The following SPACA6 variants were observed in gnomAD, a reference collection of about 807,000 sequenced individuals.
The protein encoded by SPACA6 is sperm acrosome associated 6.
For missense variants in SPACA6, 8 were observed against 2.8 expected (o/e 2.88, Z -1.34); for synonymous variants, 6 against 1.5 (o/e 4.05, Z -2.21).
the SPACA6 span, among the ~76,000 whole-genome samples, chr19:51,683,952 A>G: frequency 6.6e-6 from 1 of 152,212 alleles, no homozygotes; most frequent in African/African-American, 2.4e-5. Flanking sequence ...AAAACAATAT[A>G]TATGTGTACA....
chr19:51,693,010 T>C (rs1267851332), upstream of SPACA6: 2 of 373,364 alleles, frequency 5.4e-6, no homozygotes, highest in Non-Finnish European at 1.1e-5. Flanking sequence ...TCCCCTGAAA[T>C]CTGTTTTCCT....
At chr19:51,702,842 ACCAATAGGAAT>A (rs1158474688) in intron 4 of SPACA6, 168 bp from the exon 5 acceptor site, 1 of 398,414 alleles carries the variant, frequency 2.5e-6, no homozygotes, top group Non-Finnish European at 4.4e-6. Context: ...GCCGAAGCAA[ACCAATAGGAAT>A]CCTAGAGGGC....
chr19:51,704,854 TC>T, intron 8 of SPACA6: 1 of 132,096 alleles, frequency 7.6e-6, no homozygotes. Context: ...CCGGACCCCC[TC>T]CTCCCTCAGA....
upstream of SPACA6, chr19:51,693,100 T>G (rs1384886658): frequency 5.4e-6 from 2 of 371,674 alleles, no homozygotes; most frequent in Non-Finnish European, 1.1e-5. Flanking sequence ...TCCCTCTTAT[T>G]CTGGCTTTCT....
In SPACA6 at chr19:51,695,026, ACACACACACTCG is replaced by A. The variant is rs143838844; in HGVS notation, c.292+478_292+489del. Among the ~76,000 whole-genome samples the A allele has an allele frequency of 8.9e-3, 1,353 of 152,204 alleles. 15 individuals carry two copies. The highest frequency in any genetic ancestry group is 0.031 in the African/African-American group (1,266 of 41,492). On this transcript the variant is annotated intron_variant, in intron 2 of 8. Coordinates refer to ENST00000637797, the MANE Select transcript of SPACA6 (RefSeq NM_001316972.2). ...AAGGCATCTTCCTCTAGGATAGAAC[ACACACACACTCG>A]CACACAGACACGCTCAGAGACATAC...
At chr19:51,702,859 A>T (rs2083480271) in intron 4 of SPACA6, 162 bp from the exon 5 acceptor site, 2 of 398,464 alleles carry the variant, frequency 5.0e-6, no homozygotes, top group South Asian at 2.7e-4. Context: ...GGAATCCTAG[A>T]GGGCGGAGAG....
At chr19:51,695,322 C>T (rs1315551751) in intron 2 of SPACA6, among the ~76,000 whole-genome samples, 1 of 152,192 alleles carries the variant, frequency 6.6e-6, no homozygotes, top group Non-Finnish European at 1.5e-5. Context: ...GCCTGATCAC[C>T]ATGGCCATGA....
chr19:51,692,630 C>G (rs771967356), upstream of SPACA6: 1 of 530,890 alleles, frequency 1.9e-6, no homozygotes, highest in African/African-American at 1.9e-5. This position sits in a 1 kb window ranked among gnomAD's most constrained non-coding sequence, Gnocchi z 5.6. Flanking sequence ...CCCGTAGAAC[C>G]GACCTTGCGG....
At chr19:51,689,255 A>G (rs2083348633), upstream of SPACA6, 1 of 147,528 alleles carries the variant, frequency 6.8e-6, no homozygotes, top group Non-Finnish European at 1.5e-5. Context: ...GCTCCGGGGC[A>G]GGGGGGAAGC....
chr19:51,693,821 A>T, intron 1 of SPACA6, 81 bp downstream of exon 1: 1 of 402,134 alleles, frequency 2.5e-6, no homozygotes, highest in Admixed American at 4.3e-5. Context: ...GGTCAGGCTG[A>T]GGGACAGACA....
chr19:51,706,376 G>A (rs979666687), downstream of SPACA6, among the ~76,000 whole-genome samples: 3 of 151,994 alleles, frequency 2.0e-5, no homozygotes, highest in African/African-American at 4.8e-5. Context: ...ACAAGTCTGC[G>A]CGGCTGGCAC....
upstream of SPACA6, chr19:51,686,698 T>A (rs961071861): frequency 2.0e-5 from 3 of 152,226 alleles, no homozygotes; most frequent in Non-Finnish European, 2.9e-5. Context: ...TCACATACTT[T>A]GTGAGCTTGG....
In SPACA6 at chr19:51,693,469, G is replaced by A. The variant is rs78758318; in HGVS notation, c.-58G>A. On this transcript the variant is annotated 5_prime_UTR_variant, in exon 1 of 9. Coordinates refer to ENST00000637797, the MANE Select transcript of SPACA6 (RefSeq NM_001316972.2). Reference sequence around the variant, plus strand: ...ACCCCAGACCACTGGCCCTTCCCCCGCCCTGTGGTGACTTCATAAAGGTTA... The same window carrying A: ...ACCCCAGACCACTGGCCCTTCCCCCACCCTGTGGTGACTTCATAAAGGTTA... The A allele has an allele frequency of 4.0e-3, 2,165 of 539,442 alleles. 9 individuals carry two copies. Among genetic ancestry groups the A allele is most frequent in the Non-Finnish European group, 6.0e-3 (1,703 of 285,488 alleles). The allele number at this position is 539,442 out of a possible 1,614,324, so 33.4% of individuals were successfully genotyped here. A position where few individuals can be genotyped will look rare whatever the true frequency, so the allele number is the denominator to read the frequency against.
chr19:51,711,268 G>A (rs1451529755), intron 2 of SPACA6, among the ~76,000 whole-genome samples: 1 of 152,114 alleles, frequency 6.6e-6, no homozygotes, highest in Non-Finnish European at 1.5e-5. Context: ...CATCTGATTG[G>A]CTTGGGTTTA....
upstream of SPACA6, chr19:51,693,237 G>T: frequency 1.5e-6 from 1 of 663,878 alleles, no homozygotes. Context: ...GGTCTACCGG[G>T]CCACCGCACA....
chr19:51,699,544 G>A (rs1402253775), intron 2 of SPACA6, among the ~76,000 whole-genome samples: 2 of 152,204 alleles, frequency 1.3e-5, no homozygotes, highest in African/African-American at 4.8e-5. Flanking sequence ...AGAAGTTTCT[G>A]CCTTCTAGAA....
intron 2 of SPACA6, among the ~76,000 whole-genome samples, chr19:51,698,064 A>G (rs916046353): frequency 1.3e-5 from 2 of 152,138 alleles, no homozygotes; most frequent in East Asian, 1.9e-4. Context: ...TCATGGTTGT[A>G]TGGCGTCTCA....
intron 2 of SPACA6, among the ~76,000 whole-genome samples, chr19:51,711,437 G>A (rs2083540852): frequency 6.6e-6 from 1 of 152,198 alleles, no homozygotes; most frequent in Non-Finnish European, 1.5e-5. Flanking sequence ...TACATTGCTG[G>A]TGGGAATGTA....
chr19:51,704,929 TCTTC>T (rs2083506237), intron 8 of SPACA6, 157 bp from the exon 9 acceptor site: 4 of 289,480 alleles, frequency 1.4e-5, no homozygotes. Flanking sequence ...CCCAAGTTTC[TCTTC>T]CTTCAGACCC....
Sources: allele counts gnomAD v4.1 joint callset (sites outside exome capture counted in the v4.1 genomes callset), GRCh38; gene constraint gnomAD v4.1.1; non-coding constraint Gnocchi (gnomAD v3.1); transcripts MANE v1.5; gene names NCBI Gene and HGNC (gene_info 2026-07-23, HGNC 2026-07-21).